Variants in EXOC6B observed in about 807,000 individuals in gnomAD.
The protein encoded by EXOC6B is SEC15 homolog B.
EXOC6B carries 54 observed loss-of-function variants against 113.5 expected under a neutral mutation model. That is an observed-to-expected ratio of 0.48 (90% CI 0.38 to 0.60). The LOEUF (loss-of-function observed/expected upper bound fraction) is 0.60. Ranked by LOEUF, EXOC6B falls within the 20% of genes least tolerant of loss-of-function variation. EXOC6B has a pLI of 0.00. For synonymous variants in EXOC6B, 357 were observed against 339.0 expected, an observed-to-expected ratio of 1.05 and a Z score of -0.58; for missense variants, 797 against 977.5, an observed-to-expected ratio of 0.82 and a Z score of 2.46.
chr2:72,246,425 C>G (rs1682660545), intron 20 of EXOC6B, among the ~76,000 whole-genome samples: 1 of 151,716 alleles, frequency 6.6e-6, no homozygotes, highest in African/African-American at 2.4e-5. Context: ...ACCTGGTACA[C>G]AGTAGGTGCT....
chr2:72,680,666 G>A (rs1676633736), intron 6 of EXOC6B, among the ~76,000 whole-genome samples: 2 of 151,994 alleles, frequency 1.3e-5, no homozygotes, highest in South Asian at 2.1e-4. Flanking sequence ...TTGGACCCAG[G>A]AGGTGGAGGT....
At position 72,825,895 on chromosome 2, in the gene EXOC6B, T is replaced by C. The variant is rs1686878564; in HGVS notation, c.16A>G (p.Met6Val). 1 of 1,612,978 alleles carries C rather than the reference T, an allele frequency of 6.2e-7. No individual in the cohort carries two copies. The highest frequency in any genetic ancestry group is 8.5e-7 in the Non-Finnish European group (1 of 1,179,650). Residue 6 changes from methionine to valine, a missense_variant, in exon 1 of 22, where the codon ATG becomes GTG. Coordinates refer to ENST00000272427, the MANE Select transcript of EXOC6B (RefSeq NM_015189.3). The surrounding 1 kb of genome is among the most constrained non-coding windows in gnomAD (Gnocchi z 4.4). Reference sequence around the variant, plus strand: ...GTCTCCAGGCTCTCCGCCTCCGCCATCTTACCCCGCTCCATAGACTGGGGG... The same window carrying C: ...GTCTCCAGGCTCTCCGCCTCCGCCACCTTACCCCGCTCCATAGACTGGGGG... Reference protein sequence around the residue: MERGKMAEAESLETAA... With the variant: MERGKVAEAESLETAA...
At chr2:72,821,362 T>C (rs1686571101) in intron 1 of EXOC6B, among the ~76,000 whole-genome samples, 1 of 152,098 alleles carries the variant, frequency 6.6e-6, no homozygotes, top group South Asian at 2.1e-4. Context: ...CCCTGATACA[T>C]TGCTACAGGA....
rs997003880 is a variant in EXOC6B at position 72,826,031 on chromosome 2, G to T, written c.-121C>A. The T allele has an allele frequency of 3.4e-6, 5 of 1,466,922 alleles. No individual in the cohort carries two copies. The East Asian group carries it at 7.6e-5, about 22-fold the overall frequency. The allele number at this position is 1,466,922 out of a possible 1,614,324, so 90.9% of individuals were successfully genotyped here. ...CCCAGCCTCTGGCTACCCGCAGGCC[G>T]ACCCCTCCCTCAGGCTCGACACGCC... On this transcript the variant is annotated 5_prime_UTR_variant, in exon 1 of 22. Transcript: ENST00000272427.
chr2:72,313,935 T>C (rs1687356866), intron 20 of EXOC6B, among the ~76,000 whole-genome samples: 1 of 152,122 alleles, frequency 6.6e-6, no homozygotes, highest in African/African-American at 2.4e-5. Flanking sequence ...CCAGATGCCC[T>C]GTAAAAGCAG....
At chr2:72,558,038 A>T (rs76518560) in intron 8 of EXOC6B, among the ~76,000 whole-genome samples, 2 of 3,946 alleles carry the variant, frequency 5.1e-4, no homozygotes, top group Non-Finnish European at 2.3e-3. Flanking sequence ...TTATAAAACC[A>T]AAAAAAAAAA....
intron 20 of EXOC6B, among the ~76,000 whole-genome samples, chr2:72,313,188 A>G (rs1273187043): frequency 1.8e-5 from 2 of 111,822 alleles, no homozygotes; most frequent in Non-Finnish European, 3.4e-5. Flanking sequence ...CAACACAGAG[A>G]GGAACAACAC....
At chr2:72,328,776 T>A (rs1017524489) in intron 20 of EXOC6B, among the ~76,000 whole-genome samples, 1 of 152,140 alleles carries the variant, frequency 6.6e-6, no homozygotes, top group African/African-American at 2.4e-5. Context: ...ACCCTGGATT[T>A]CATTTCTCAT....
intron 1 of EXOC6B, among the ~76,000 whole-genome samples, chr2:72,822,355 T>C (rs1686629481): frequency 6.6e-6 from 1 of 152,038 alleles, no homozygotes; most frequent in African/African-American, 2.4e-5. Context: ...CCCAAAAGAG[T>C]TTGCTAGGCA....
At chr2:72,223,078 G>A (rs1680978501) in intron 20 of EXOC6B, among the ~76,000 whole-genome samples, 1 of 152,120 alleles carries the variant, frequency 6.6e-6, no homozygotes, top group South Asian at 2.1e-4. Flanking sequence ...TCCATCCTAT[G>A]CCAAAAACCA....
intron 1 of EXOC6B, among the ~76,000 whole-genome samples, chr2:72,779,901 G>C (rs554396591): frequency 1.3e-5 from 2 of 152,322 alleles, no homozygotes; most frequent in East Asian, 3.9e-4. Flanking sequence ...GAAGACAACG[G>C]AGGGAGAGAA....
chr2:72,823,492 A>AAAAAC (rs1686716729), intron 1 of EXOC6B, among the ~76,000 whole-genome samples: 1 of 150,504 alleles, frequency 6.6e-6, no homozygotes, highest in African/African-American at 2.4e-5. Context: ...AAAACAAAAA[A>AAAAAC]AAAGACAGTG....
intron 1 of EXOC6B, among the ~76,000 whole-genome samples, chr2:72,823,466 A>AC (rs1686699021): frequency 7.4e-6 from 1 of 134,554 alleles, no homozygotes; most frequent in African/African-American, 3.2e-5. Context: ...TAAGAAAAAA[A>AC]AAAAAAAAAA....
intron 11 of EXOC6B, among the ~76,000 whole-genome samples, chr2:72,512,227 A>G (rs2105663300): frequency 6.6e-6 from 1 of 152,092 alleles, no homozygotes; most frequent in African/African-American, 2.4e-5. Context: ...TCTTCCAATC[A>G]AAATATAACT....
At chr2:72,635,007 C>T (rs1344221722) in intron 6 of EXOC6B, among the ~76,000 whole-genome samples, 1 of 149,678 alleles carries the variant, frequency 6.7e-6, no homozygotes, top group African/African-American at 2.4e-5. Context: ...AGTAAAAATA[C>T]ATAGAACTGA....
At chr2:72,615,244 T>C (rs74533644) in intron 6 of EXOC6B, among the ~76,000 whole-genome samples, 98 of 152,188 alleles carry the variant, frequency 6.4e-4, no homozygotes, top group Non-Finnish European at 1.1e-3. Context: ...TGATATAATA[T>C]ACATATCAAC....
At chr2:72,328,815 T>C (rs562838262) in intron 20 of EXOC6B, among the ~76,000 whole-genome samples, 44 of 152,238 alleles carry the variant, frequency 2.9e-4, no homozygotes, top group African/African-American at 8.7e-4. Flanking sequence ...CATGCTACTC[T>C]ATCAGTGGTA....
intron 6 of EXOC6B, among the ~76,000 whole-genome samples, chr2:72,590,157 G>C (rs562329575): frequency 6.6e-6 from 1 of 152,076 alleles, no homozygotes; most frequent in African/African-American, 2.4e-5. Flanking sequence ...TTGCTAATGA[G>C]ATGAAGGATG....
intron 1 of EXOC6B, among the ~76,000 whole-genome samples, chr2:72,777,381 A>G (rs1354906977): frequency 1.3e-5 from 2 of 152,196 alleles, no homozygotes; most frequent in African/African-American, 4.8e-5. Flanking sequence ...GTGAGATAAC[A>G]TATTTAAAAT....
Sources: allele counts gnomAD v4.1 joint callset (sites outside exome capture counted in the v4.1 genomes callset), GRCh38; gene constraint gnomAD v4.1.1; non-coding constraint Gnocchi (gnomAD v3.1); transcripts MANE v1.5; gene names NCBI Gene and HGNC (gene_info 2026-07-23, HGNC 2026-07-21).